SND1: variants seen among roughly 807,000 people sequenced by gnomAD.
SND1 encodes staphylococcal nuclease domain-containing protein 1.
A neutral mutation model predicts 121.7 loss-of-function variants in SND1; 38 were observed. The observed-to-expected ratio is 0.31, with a 90% CI of 0.24 to 0.41. The LOEUF is 0.41. Among genes scored for constraint, SND1 ranks in the 10% least tolerant of loss-of-function variants. The pLI, the probability that SND1 is intolerant of heterozygous loss-of-function variation, is 1.00. For missense variants in SND1, 868 were observed against 1,184.6 expected (o/e 0.73, Z 3.92); for synonymous variants, 401 against 447.4 (o/e 0.90, Z 1.31).
At chr7:127,810,920 C>A (rs1798324856) in intron 11 of SND1, among the ~76,000 whole-genome samples, 1 of 152,142 alleles carries the variant, frequency 6.6e-6, no homozygotes, top group Non-Finnish European at 1.5e-5. Context: ...TTTGTTTGGA[C>A]AACTGGAGTT....
chr7:127,838,281 A>G (rs548263995), intron 11 of SND1, among the ~76,000 whole-genome samples: 11 of 152,336 alleles, frequency 7.2e-5, no homozygotes, highest in African/African-American at 2.2e-4. Flanking sequence ...AAACTTTAAA[A>G]TGGAGAACAA....
chr7:127,909,660 G>A (rs1048097517), intron 14 of SND1, among the ~76,000 whole-genome samples: 2 of 151,968 alleles, frequency 1.3e-5, no homozygotes, highest in Non-Finnish European at 2.9e-5. Flanking sequence ...TGAAACCCCT[G>A]GCCTCAAGTG....
intron 2 of SND1, among the ~76,000 whole-genome samples, chr7:127,693,836 A>G (rs773932198): frequency 1.4e-4 from 22 of 152,172 alleles, no homozygotes; most frequent in Admixed American, 4.6e-4. Context: ...GGGACATTAA[A>G]CCAGGTCCAG....
intron 15 of SND1, among the ~76,000 whole-genome samples, chr7:127,940,319 A>G (rs1042163405): frequency 2.6e-5 from 4 of 152,032 alleles, no homozygotes; most frequent in Non-Finnish European, 5.9e-5. Context: ...ATTCAACACT[A>G]TCTTGTCAAC....
At chr7:127,955,052 G>A (rs1801561140) in intron 15 of SND1, among the ~76,000 whole-genome samples, 1 of 152,132 alleles carries the variant, frequency 6.6e-6, no homozygotes, top group South Asian at 2.1e-4. Flanking sequence ...AAGGATACTG[G>A]CTCAAGAGCA....
chr7:127,849,250 T>C (rs1799122745), intron 12 of SND1, among the ~76,000 whole-genome samples: 1 of 152,192 alleles, frequency 6.6e-6, no homozygotes. Flanking sequence ...TTAGCTGCAG[T>C]GATTAAAATC....
At chr7:127,763,645 G>A (rs1797350274) in intron 10 of SND1, among the ~76,000 whole-genome samples, 1 of 151,928 alleles carries the variant, frequency 6.6e-6, no homozygotes. Flanking sequence ...ATTGATAATT[G>A]ACAGCAGGTG....
intron 16 of SND1, among the ~76,000 whole-genome samples, chr7:128,020,417 G>A (rs926227072): frequency 1.3e-5 from 2 of 152,210 alleles, no homozygotes; most frequent in African/African-American, 4.8e-5. Context: ...ATTGCGCTAG[G>A]TCGCGAACCC....
intron 15 of SND1, among the ~76,000 whole-genome samples, chr7:127,961,191 A>G (rs920189087): frequency 1.3e-5 from 2 of 152,232 alleles, no homozygotes; most frequent in African/African-American, 4.8e-5. Flanking sequence ...AATAATGTAA[A>G]ATATATACAC....
intron 12 of SND1, among the ~76,000 whole-genome samples, chr7:127,864,135 A>G (rs1156228543): frequency 6.6e-6 from 1 of 151,800 alleles, no homozygotes; most frequent in Non-Finnish European, 1.5e-5. Flanking sequence ...TTAGATATTT[A>G]GGATAAATAA....
rs372997502 is a variant in SND1, at chr7:127,842,380, A to T, written c.1243-1944A>T. Among the ~76,000 whole-genome samples, 26 of 152,340 alleles carry T rather than the reference A, an allele frequency of 1.7e-4. 1 individual carries two copies. In the South Asian group the frequency reaches 3.5e-3, roughly 21 times the overall value. Reference sequence around the variant, plus strand: ...ATGTTTGCTACAGGATACTATGTTTATCTTCAAAGTTTTCATAATAAAAAA... The same window carrying T: ...ATGTTTGCTACAGGATACTATGTTTTTCTTCAAAGTTTTCATAATAAAAAA... On this transcript the variant is annotated intron_variant, in intron 11 of 23. Coordinates refer to ENST00000354725, the MANE Select transcript of SND1 (RefSeq NM_014390.4).
chr7:128,089,940 G>A, intron 22 of SND1: 2 of 485,180 alleles, frequency 4.1e-6, no homozygotes, highest in South Asian at 4.3e-5. Context: ...CCCTCCCCAT[G>A]TACCCCCAGG....
In SND1 at chr7:127,754,035, A is replaced by G. The variant is rs181495947; in HGVS notation, c.1152+32635A>G. 4.6e-5 allele frequency among the ~76,000 whole-genome samples: 7 copies of G among 152,312 alleles called. No individual in the cohort carries two copies. The South Asian group carries it at 8.3e-4, about 18-fold the overall frequency. On this transcript the variant is annotated intron_variant, in intron 10 of 23. Coordinates refer to ENST00000354725, the MANE Select transcript of SND1 (RefSeq NM_014390.4). ...ACATTTAGCCCAAAGTAGATTATCA[A>G]TTAGAAGTGAATTGGAACTAGCATC...
At chr7:127,740,572 T>C (rs901866505) in intron 10 of SND1, among the ~76,000 whole-genome samples, 36 of 152,294 alleles carry the variant, frequency 2.4e-4, no homozygotes, top group African/African-American at 7.9e-4. Flanking sequence ...ATGTTAAGAA[T>C]AGATGCTTTT....
At chr7:127,724,677 T>C (rs1310304576) in intron 10 of SND1, among the ~76,000 whole-genome samples, 2 of 152,214 alleles carry the variant, frequency 1.3e-5, no homozygotes, top group Non-Finnish European at 2.9e-5. Flanking sequence ...TTTGAATTGG[T>C]GAGTGGCATG....
intron 16 of SND1, among the ~76,000 whole-genome samples, chr7:128,013,672 G>A (rs1803161989): frequency 6.6e-6 from 1 of 152,178 alleles, no homozygotes; most frequent in Non-Finnish European, 1.5e-5. Flanking sequence ...CGCATAAGGA[G>A]CACACAACCT....
chr7:128,084,072 G>A (rs117656364), intron 18 of SND1, among the ~76,000 whole-genome samples: 4,708 of 152,350 alleles, frequency 0.031, 93 homozygotes, highest in Non-Finnish European at 0.046. Context: ...AGCAGCACTG[G>A]AAGTCCTGTT....
intron 10 of SND1, among the ~76,000 whole-genome samples, chr7:127,755,329 T>C (rs1797175476): frequency 6.6e-6 from 1 of 152,236 alleles, no homozygotes; most frequent in Non-Finnish European, 1.5e-5. Context: ...TGATTAAAGC[T>C]GAAACGAGGA....
rs1185441219 is a variant in SND1, at chr7:127,691,516, C to T, written c.229-3312C>T. On this transcript the variant is annotated intron_variant, in intron 2 of 23. Coordinates refer to ENST00000354725, the MANE Select transcript of SND1 (RefSeq NM_014390.4). The stretch of plus-strand genomic sequence containing the variant: ...CCAAGATTATGCCACTGCATTCCAG[C>T]CTGGCGACAGAGCGAGACTCCGTCT... 3.3e-5 allele frequency among the ~76,000 whole-genome samples: 5 copies of T among 151,930 alleles called. No individual in the cohort carries two copies. The East Asian group carries it at 9.7e-4, about 30-fold the overall frequency.
Sources: allele counts gnomAD v4.1 joint callset (sites outside exome capture counted in the v4.1 genomes callset), GRCh38; gene constraint gnomAD v4.1.1; transcripts MANE v1.5; gene names NCBI Gene and HGNC (gene_info 2026-07-23, HGNC 2026-07-21).